The following TRABD2B variants were observed in gnomAD, a reference collection of about 807,000 sequenced individuals.
TRABD2B encodes the protein metalloprotease TIKI2.
TRABD2B carries 14 observed loss-of-function variants against 40.1 expected under a neutral mutation model. The observed-to-expected ratio is 0.35, with a 90% confidence interval of 0.23 to 0.55. The LOEUF is 0.55. Ranked by LOEUF, TRABD2B falls within the 20% of genes least tolerant of loss-of-function variation. TRABD2B has a pLI of 0.90. For missense variants in TRABD2B, 541 were observed against 648.6 expected, an observed-to-expected ratio of 0.83 and a Z score of 1.80; for synonymous variants, 263 against 277.0, an observed-to-expected ratio of 0.95 and a Z score of 0.50.
At chr1:47,809,407 C>T (rs1644932878) in intron 2 of TRABD2B, among the ~76,000 whole-genome samples, 1 of 152,108 alleles carries the variant, frequency 6.6e-6, no homozygotes, top group Admixed American at 6.5e-5. Context: ...AAGTGAGTCG[C>T]CCGTCACAGG....
At chr1:47,822,172 A>C in intron 2 of TRABD2B, among the ~76,000 whole-genome samples, 1 of 151,826 alleles carries the variant, frequency 6.6e-6, no homozygotes, top group Admixed American at 6.6e-5. Context: ...ACACACAAAC[A>C]CACATACACT....
At chr1:47,897,708 TACACAC>T (rs149841486) in intron 2 of TRABD2B, among the ~76,000 whole-genome samples, 1 of 151,462 alleles carries the variant, frequency 6.6e-6, no homozygotes, top group South Asian at 2.1e-4. Context: ...CACACAGGTG[TACACAC>T]ACACACACAT....
chr1:47,835,187 T>A (rs1645302167), intron 2 of TRABD2B, among the ~76,000 whole-genome samples: 1 of 152,128 alleles, frequency 6.6e-6, no homozygotes. Context: ...CTCAAAATAT[T>A]TCAGCAGGCA....
Position 47,884,778 on chromosome 1 carries a change from G to A in TRABD2B, c.667-83159C>T, listed in dbSNP as rs1644349843. ...CTACAGGTGCGCGCCACTATGCCCGGCTAATTTTTGTATTTTTAGTAGAGA... is the reference window on the plus strand; with the variant it reads ...CTACAGGTGCGCGCCACTATGCCCGACTAATTTTTGTATTTTTAGTAGAGA... On this transcript the variant is annotated intron_variant, in intron 2 of 6. Transcript: ENST00000606738. Among the ~76,000 whole-genome samples, 4 of 151,868 alleles carry A rather than the reference G, an allele frequency of 2.6e-5. No individual in the cohort carries two copies. The South Asian group carries it at 8.4e-4, about 32-fold the overall frequency.
rs897341034 is a variant in TRABD2B at position 47,761,929 on chromosome 1, G to A, written c.*3973C>T. On this transcript the variant is annotated 3_prime_UTR_variant, in exon 7 of 7. Transcript: ENST00000606738. The stretch of plus-strand genomic sequence containing the variant: ...TACACATCTGTTGAGCACCACCTTT[G>A]TGTCAGATGAGGGTACAAAAACAAA... 2 of 151,996 alleles carry A rather than the reference G, an allele frequency of 1.3e-5. No homozygotes were observed. Among genetic ancestry groups the A allele is most frequent in the Non-Finnish European group, 2.9e-5 (2 of 68,032 alleles). The allele number at this position is 151,996 out of a possible 1,614,324, so 9.4% of individuals were successfully genotyped here.
chr1:47,821,456 G>A lies in TRABD2B; in HGVS notation c.667-19837C>T, dbSNP rs141503081. On this transcript the variant is annotated intron_variant, in intron 2 of 6. Transcript: ENST00000606738. ...ACTCAGCTACAGGACTTGGCTGTGG[G>A]AGCAGAAATGAATAGCCCCAAATAT... 2.8e-4 allele frequency among the ~76,000 whole-genome samples: 42 copies of A among 152,342 alleles called. No individual in the cohort carries two copies. The East Asian group carries it at 6.7e-3, about 24-fold the overall frequency.
chr1:47,808,921 T>C (rs1048011600), intron 2 of TRABD2B, among the ~76,000 whole-genome samples: 1 of 152,090 alleles, frequency 6.6e-6, no homozygotes, highest in East Asian at 1.9e-4. Flanking sequence ...GTTAGAACTT[T>C]AGCTGTGGTG....
At chr1:47,931,475 A>G (rs191472291) in intron 2 of TRABD2B, among the ~76,000 whole-genome samples, 2 of 152,256 alleles carry the variant, frequency 1.3e-5, no homozygotes, top group African/African-American at 4.8e-5. Context: ...TGACTGAGAC[A>G]TCAGGCAGAA....
chr1:47,874,246 T>G (rs112181595), intron 2 of TRABD2B, among the ~76,000 whole-genome samples: 1,650 of 136,634 alleles, frequency 0.012, 37 homozygotes, highest in African/African-American at 0.042. Context: ...TTAAATTGAT[T>G]AATTAATTTT....
chr1:47,800,210 G>A (rs1644803931), intron 3 of TRABD2B, among the ~76,000 whole-genome samples: 1 of 152,138 alleles, frequency 6.6e-6, no homozygotes, highest in African/African-American at 2.4e-5. Context: ...AGTAGATAGT[G>A]TGTTAGAGGA....
intron 2 of TRABD2B, among the ~76,000 whole-genome samples, chr1:47,883,244 G>A (rs536820697): frequency 1.6e-4 from 24 of 152,246 alleles, no homozygotes; most frequent in Middle Eastern, 3.4e-3. Flanking sequence ...GCAGAGTTGG[G>A]ACTTAATTCT....
intron 2 of TRABD2B, among the ~76,000 whole-genome samples, chr1:47,841,625 G>A (rs1645398300): frequency 6.6e-6 from 1 of 152,148 alleles, no homozygotes; most frequent in Admixed American, 6.5e-5. Flanking sequence ...CATGTCAGCA[G>A]AGAAGCCAGG....
At chr1:47,990,382 T>C (rs186767606) in intron 2 of TRABD2B, among the ~76,000 whole-genome samples, 3 of 152,262 alleles carry the variant, frequency 2.0e-5, no homozygotes, top group African/African-American at 7.2e-5. Flanking sequence ...GATAGAAATC[T>C]GCAGGTCTCA....
At chr1:47,992,565 T>C (rs896452621) in intron 2 of TRABD2B, among the ~76,000 whole-genome samples, 1 of 152,190 alleles carries the variant, frequency 6.6e-6, no homozygotes, top group African/African-American at 2.4e-5. Context: ...AGGCCAGACC[T>C]AGGCCTCTGA....
intron 2 of TRABD2B, among the ~76,000 whole-genome samples, chr1:47,863,372 T>TTATATATATATATATATATA (rs201881656): frequency 0.011 from 762 of 66,290 alleles, 67 homozygotes; most frequent in African/African-American, 0.028. Context: ...CTATATAATT[T>TTATATATATATATATATATA]TATATATATA....
At chr1:47,990,195 A>T (rs1645980475) in intron 2 of TRABD2B, among the ~76,000 whole-genome samples, 1 of 152,224 alleles carries the variant, frequency 6.6e-6, no homozygotes, top group Admixed American at 6.5e-5. Flanking sequence ...TGCTTGGTAA[A>T]GTACAGAATA....
chr1:47,955,663 A>G (rs1307834229), intron 2 of TRABD2B, among the ~76,000 whole-genome samples: 1 of 152,144 alleles, frequency 6.6e-6, no homozygotes, highest in Non-Finnish European at 1.5e-5. Flanking sequence ...TGGTCATCCA[A>G]GCCCTAACCC....
At chr1:47,798,060 C>T (rs1432341069) in intron 3 of TRABD2B, among the ~76,000 whole-genome samples, 1 of 152,186 alleles carries the variant, frequency 6.6e-6, no homozygotes, top group Non-Finnish European at 1.5e-5. Flanking sequence ...GAGCCGGGCC[C>T]TGTGTTGGGC....
chr1:47,843,611 G>A (rs1215687854), intron 2 of TRABD2B, among the ~76,000 whole-genome samples: 2 of 152,190 alleles, frequency 1.3e-5, no homozygotes, highest in Non-Finnish European at 2.9e-5. Flanking sequence ...AAGGAAGGAA[G>A]ACAGAAGAGA....
Sources: gnomAD v4.1 joint callset for allele counts (sites outside exome capture counted in the v4.1 genomes callset) on GRCh38, gnomAD v4.1.1 for gene constraint, MANE v1.5 for transcripts, NCBI Gene and HGNC (gene_info 2026-07-23, HGNC 2026-07-21) for gene names.